CFAP61: variants seen among roughly 807,000 people sequenced by gnomAD.
CFAP61 encodes cilia- and flagella-associated protein 61.
In CFAP61, 107 loss-of-function variants were observed where a neutral mutation model predicts 135.6. The ratio of observed to expected loss-of-function variants is 0.79; its 90% CI spans 0.67 to 0.93. The LOEUF (loss-of-function observed/expected upper bound fraction) is 0.93, where lower values mean the gene tolerates loss of function less well. CFAP61 is among the 40% of genes least tolerant of loss of function. The probability of loss-of-function intolerance (pLI) is 0.00; values close to 1 mark genes in which losing one functional copy is unlikely to be tolerated. For synonymous variants in CFAP61, 575 were observed against 578.5 expected (o/e 0.99, Z 0.09); for missense variants, 1,507 against 1,556.2 (o/e 0.97, Z 0.53).
At chr20:20,243,492 C>T (rs1221781697) in intron 18 of CFAP61, among the ~76,000 whole-genome samples, 2 of 151,550 alleles carry the variant, frequency 1.3e-5, no homozygotes, top group Admixed American at 1.3e-4. Flanking sequence ...GGCTGGAGTG[C>T]AATGGTGTGA....
intron 8 of CFAP61, among the ~76,000 whole-genome samples, chr20:20,139,229 G>A (rs1007078871): frequency 2.0e-5 from 3 of 152,160 alleles, no homozygotes; most frequent in African/African-American, 4.8e-5. Flanking sequence ...CCTAAAGTCT[G>A]ACCCATTCAA....
chr20:20,168,864 T>C (rs1381534220), intron 12 of CFAP61, among the ~76,000 whole-genome samples: 2 of 152,090 alleles, frequency 1.3e-5, no homozygotes, highest in African/African-American at 4.8e-5. Context: ...TTATGGATAA[T>C]CACAGAATTT....
At chr20:20,061,135 A>G (rs2044766544) in intron 2 of CFAP61, among the ~76,000 whole-genome samples, 2 of 152,210 alleles carry the variant, frequency 1.3e-5, no homozygotes, top group South Asian at 2.1e-4. Context: ...ATATATTAAC[A>G]TGGTTAAGAT....
At chr20:20,218,041 C>A (rs896247800) in intron 17 of CFAP61, among the ~76,000 whole-genome samples, 1 of 152,146 alleles carries the variant, frequency 6.6e-6, no homozygotes, top group African/African-American at 2.4e-5. Context: ...AAATTTAGCT[C>A]CACTGTCACT....
intron 6 of CFAP61, among the ~76,000 whole-genome samples, chr20:20,078,330 G>A (rs149823711): frequency 6.1e-4 from 93 of 152,242 alleles, no homozygotes; most frequent in African/African-American, 1.7e-3. Context: ...TTTTGGTTAC[G>A]TGGTAGGGAA....
At chr20:20,356,594 G>GA in intron 26 of CFAP61, among the ~76,000 whole-genome samples, 3 of 69,796 alleles carry the variant, frequency 4.3e-5, no homozygotes, top group Non-Finnish European at 9.5e-5. Context: ...GTCACACTGG[G>GA]GAGGTGGTCA....
At chr20:20,312,464 A>C (rs1484991710) in intron 25 of CFAP61, among the ~76,000 whole-genome samples, 1 of 152,206 alleles carries the variant, frequency 6.6e-6, no homozygotes. Context: ...GCCCAAAATA[A>C]AACACACAGA....
chr20:20,217,242 AAG>A (rs2048099781), intron 17 of CFAP61, among the ~76,000 whole-genome samples: 1 of 152,242 alleles, frequency 6.6e-6, no homozygotes, highest in South Asian at 2.1e-4. Flanking sequence ...AGTCATGTGA[AAG>A]AGAATACAAA....
chr20:20,265,693 G>A (rs918891238), intron 21 of CFAP61: 1 of 553,324 alleles, frequency 1.8e-6, no homozygotes, highest in East Asian at 3.0e-5. Context: ...TCTTAACACT[G>A]AAATGCTAGG....
At chr20:20,253,269 C>T (rs2051148652) in intron 20 of CFAP61, 1 of 147,994 alleles carries the variant, frequency 6.8e-6, no homozygotes, top group Non-Finnish European at 1.5e-5. Flanking sequence ...TCCTTCCTTC[C>T]TGTACTTTTA....
intron 24 of CFAP61, among the ~76,000 whole-genome samples, chr20:20,293,079 T>A (rs1263474686): frequency 6.6e-6 from 1 of 152,230 alleles, no homozygotes; most frequent in Non-Finnish European, 1.5e-5. Flanking sequence ...ATTCACAGGC[T>A]AAGCACTTTG....
At chr20:20,077,089 G>C (rs1261153066) in intron 6 of CFAP61, among the ~76,000 whole-genome samples, 1 of 152,172 alleles carries the variant, frequency 6.6e-6, no homozygotes, top group Non-Finnish European at 1.5e-5. Flanking sequence ...GTTGGTAGCT[G>C]AGAAGCGGGA....
intron 15 of CFAP61, among the ~76,000 whole-genome samples, chr20:20,193,308 G>T (rs2146879301): frequency 6.6e-6 from 1 of 151,998 alleles, no homozygotes; most frequent in East Asian, 1.9e-4. Flanking sequence ...ATCAAGTAAG[G>T]GAAATTTTCT....
chr20:20,183,643 CATTT>C (rs2055282940), intron 13 of CFAP61, among the ~76,000 whole-genome samples: 1 of 149,658 alleles, frequency 6.7e-6, no homozygotes, highest in Non-Finnish European at 1.5e-5. Flanking sequence ...TTAATTGTAA[CATTT>C]ATTTCTTATT....
intron 25 of CFAP61, among the ~76,000 whole-genome samples, chr20:20,335,193 C>T (rs2058138423): frequency 6.6e-6 from 1 of 152,028 alleles, no homozygotes; most frequent in Non-Finnish European, 1.5e-5. Flanking sequence ...GTTTTTTTCC[C>T]CAGAGTGTTC....
At chr20:20,309,561 G>A (rs1042962915) in intron 25 of CFAP61, among the ~76,000 whole-genome samples, 4 of 152,172 alleles carry the variant, frequency 2.6e-5, no homozygotes, top group African/African-American at 9.7e-5. Context: ...GGCACCAATA[G>A]GACCAGAACC....
chr20:20,226,920 T>C (rs1473818336), intron 17 of CFAP61, among the ~76,000 whole-genome samples: 1 of 152,220 alleles, frequency 6.6e-6, no homozygotes, highest in Non-Finnish European at 1.5e-5. Context: ...AGTTGTAGGG[T>C]GGAACAGATG....
At chr20:20,143,404 C>A (rs973068194) in intron 9 of CFAP61, among the ~76,000 whole-genome samples, 2 of 152,050 alleles carry the variant, frequency 1.3e-5, no homozygotes, top group African/African-American at 4.8e-5. Flanking sequence ...AGAGGGGACT[C>A]GGGAGATGTG....
At chr20:20,277,029 G>A (rs979569831) in intron 21 of CFAP61, 137 bp from the exon 22 acceptor site, 20 of 611,744 alleles carry the variant, frequency 3.3e-5, no homozygotes, top group Middle Eastern at 8.6e-4. Flanking sequence ...CTTGGTCGCC[G>A]TTGCTAGGTA....
Sources: gnomAD v4.1 joint callset for allele counts (sites outside exome capture counted in the v4.1 genomes callset) on GRCh38, gnomAD v4.1.1 for gene constraint, MANE v1.5 for transcripts, NCBI Gene and HGNC (gene_info 2026-07-23, HGNC 2026-07-21) for gene names.